Variants in SPRY3 observed in about 807,000 individuals in gnomAD.
SPRY3 encodes the protein protein sprouty homolog 3.
In SPRY3, 15 loss-of-function variants were observed where a neutral mutation model predicts 20.2. The observed-to-expected ratio is 0.74, with a 90% CI of 0.50 to 1.14. The LOEUF (loss-of-function observed/expected upper bound fraction) is 1.14. Among genes scored for constraint, SPRY3 ranks in the 50% most tolerant of loss-of-function variants. The probability of loss-of-function intolerance (pLI) is 0.00; values close to 1 mark genes in which losing one functional copy is unlikely to be tolerated. For synonymous variants in SPRY3, 143 were observed against 136.5 expected, an observed-to-expected ratio of 1.05 and a Z score of -0.33; for missense variants, 364 against 363.9, an observed-to-expected ratio of 1.00 and a Z score of 0.00.
At chrX:155,660,830 C>T (rs2068007670) in intron 2 of SPRY3, among the ~76,000 whole-genome samples, 2 of 108,699 alleles carry the variant, frequency 1.8e-5, no homozygotes, top group Non-Finnish European at 3.8e-5. Context: ...TTTTATCTGA[C>T]ATAAGTAGAG....
In SPRY3 at chrX:155,747,062, G is replaced by A. The variant is rs1470775399; in HGVS notation, c.-281-20900G>A. On this transcript the variant is annotated intron_variant, in intron 2 of 3. Coordinates refer to ENST00000675360, the Ensembl canonical transcript of SPRY3. ...AGTATTACATCCTTCCTGAAGTATC[G>A]CAGAATTTTTCTCTAAATTAAAGGA... is the stretch of plus-strand genomic sequence containing the variant. Among the ~76,000 whole-genome samples the A allele has an allele frequency of 5.9e-5, 9 of 151,758 alleles. No homozygotes were observed. The South Asian group carries it at 6.2e-4, about 11-fold the overall frequency.
rs781936003 is a variant in SPRY3 at position 155,657,171 on chromosome X, G to T, written c.-282+146G>T. 2.7e-5 allele frequency among the ~76,000 whole-genome samples: 3 copies of T among 112,026 alleles called. No individual in the cohort carries two copies. The South Asian group carries it at 1.1e-3, about 42-fold the overall frequency. ...TTGTCAGGATCTGCTGCTCTCTTCA[G>T]AGCTGGCAGGCGGGAATGTTTAAGT... is the stretch of plus-strand genomic sequence containing the variant. On this transcript the variant is annotated intron_variant, in intron 2 of 3. Coordinates refer to ENST00000675360, the Ensembl canonical transcript of SPRY3.
intron 2 of SPRY3, among the ~76,000 whole-genome samples, chrX:155,662,699 A>AAAC (rs2068014035): frequency 2.8e-5 from 3 of 109,061 alleles, no homozygotes; most frequent in Non-Finnish European, 3.8e-5. Flanking sequence ...AAAAAAAAAA[A>AAAC]AAAACTCTAC....
chrX:155,709,084 G>T (rs2090970052), intron 2 of SPRY3, among the ~76,000 whole-genome samples: 1 of 151,580 alleles, frequency 6.6e-6, no homozygotes, highest in Non-Finnish European at 1.5e-5. Context: ...GGGACACTTA[G>T]GTTGCTTCCA....
intron 1 of SPRY3, among the ~76,000 whole-genome samples, chrX:155,633,506 CCTT>C (rs1211414906): frequency 1.8e-5 from 2 of 110,267 alleles, no homozygotes; most frequent in Non-Finnish European, 3.8e-5. Context: ...TTATCCCAAA[CCTT>C]CTCCAAAGGG....
In SPRY3 at chrX:155,695,030, C is replaced by G. The variant is rs1405139410; in HGVS notation, c.-282+38005C>G. On this transcript the variant is annotated intron_variant, in intron 2 of 3. Transcript: ENST00000675360. The stretch of plus-strand genomic sequence containing the variant: ...TACATATTAAAACTATATGTATTAA[C>G]AATTTCACAAGATAATGCTATAATT... Among the ~76,000 whole-genome samples, 3 of 111,320 alleles carry G rather than the reference C, an allele frequency of 2.7e-5. No individual in the cohort carries two copies. The East Asian group carries it at 8.4e-4, about 31-fold the overall frequency.
chrX:155,741,671 C>G (rs932402189), intron 2 of SPRY3, among the ~76,000 whole-genome samples: 5 of 152,124 alleles, frequency 3.3e-5, no homozygotes, highest in African/African-American at 1.2e-4. Flanking sequence ...AGAAACCCTA[C>G]AAGCCAGAGA....
At chrX:155,744,087 A>G (rs1258295812) in intron 2 of SPRY3, among the ~76,000 whole-genome samples, 1 of 152,100 alleles carries the variant, frequency 6.6e-6, no homozygotes, top group African/African-American at 2.4e-5. Context: ...GATGGAAGAC[A>G]GTCTAAGACT....
intron 1 of SPRY3, among the ~76,000 whole-genome samples, chrX:155,643,906 C>T (rs1448508670): frequency 8.9e-6 from 1 of 111,802 alleles, no homozygotes; most frequent in Admixed American, 9.5e-5. Flanking sequence ...GACTTGTTTA[C>T]ATACCACAGT....
chrX:155,773,835 G>T (rs1286618493), exon 4 of SPRY3: 1 of 1,594,668 alleles, frequency 6.3e-7, no homozygotes, highest in Non-Finnish European at 8.5e-7. Flanking sequence ...GTGCCACCCT[G>T]ACTTAAAACC....
intron 2 of SPRY3, among the ~76,000 whole-genome samples, chrX:155,699,493 G>A (rs1474269603): frequency 9.0e-6 from 1 of 111,385 alleles, no homozygotes; most frequent in South Asian, 3.8e-4. Flanking sequence ...ATCAGAAAGC[G>A]TTCTAGAAGT....
chrX:155,686,489 A>C (rs1209760722), intron 2 of SPRY3, among the ~76,000 whole-genome samples: 1 of 111,899 alleles, frequency 8.9e-6, no homozygotes, highest in African/African-American at 3.2e-5. Context: ...GCGTAGGTGA[A>C]GATCTACTTG....
chrX:155,766,313 G>A (rs1319932306), intron 2 of SPRY3, among the ~76,000 whole-genome samples: 3 of 152,120 alleles, frequency 2.0e-5, no homozygotes, highest in African/African-American at 7.2e-5. Flanking sequence ...AAATGACAGA[G>A]TGTCAGAGGT....
At chrX:155,707,158 G>A (rs28765196) in intron 2 of SPRY3, among the ~76,000 whole-genome samples, 8,264 of 151,104 alleles carry the variant, frequency 0.055, 4 homozygotes, top group African/African-American at 0.16. Context: ...CACTGCTTAA[G>A]GGGCATACCA....
chrX:155,720,818 G>A (rs975234616), intron 2 of SPRY3, among the ~76,000 whole-genome samples: 1 of 152,074 alleles, frequency 6.6e-6, no homozygotes, highest in Non-Finnish European at 1.5e-5. Context: ...AAAAGGTTGG[G>A]TATAAAGAAG....
At chrX:155,759,070 CTTT>C (rs769114368) in intron 2 of SPRY3, among the ~76,000 whole-genome samples, 1 of 142,614 alleles carries the variant, frequency 7.0e-6, no homozygotes, top group Non-Finnish European at 1.5e-5. Flanking sequence ...CTTATTAATT[CTTT>C]TTTTTTTTTT....
chrX:155,695,107 A>G (rs1302293086), intron 2 of SPRY3, among the ~76,000 whole-genome samples: 1 of 112,213 alleles, frequency 8.9e-6, no homozygotes. Flanking sequence ...GGAAAAAATA[A>G]TCTTTCATAT....
At chrX:155,724,745 G>A (rs897255882) in intron 2 of SPRY3, among the ~76,000 whole-genome samples, 5 of 152,120 alleles carry the variant, frequency 3.3e-5, no homozygotes, top group Admixed American at 6.5e-5. Context: ...TTCTAAATAT[G>A]CAATCATGTC....
chrX:155,764,999 G>A (rs1428158806), intron 2 of SPRY3, among the ~76,000 whole-genome samples: 1 of 152,116 alleles, frequency 6.6e-6, no homozygotes, highest in Non-Finnish European at 1.5e-5. Context: ...TTCTCACTGT[G>A]TCCTCACATG....
Sources: allele counts gnomAD v4.1 joint callset (sites outside exome capture counted in the v4.1 genomes callset), GRCh38; gene constraint gnomAD v4.1.1; transcripts MANE v1.5; gene names NCBI Gene and HGNC (gene_info 2026-07-23, HGNC 2026-07-21).